Variants in GRAMD1B observed in about 807,000 individuals in gnomAD.
GRAMD1B encodes protein Aster-B.
GRAMD1B carries 37 observed loss-of-function variants against 99.7 expected under a neutral mutation model. That is an observed-to-expected ratio of 0.37 (90% confidence interval 0.29 to 0.49). The LOEUF is 0.49. Among genes scored for constraint, GRAMD1B ranks in the 20% least tolerant of loss-of-function variants. GRAMD1B has a pLI of 0.98. For missense variants in GRAMD1B, 888 were observed against 1,009.2 expected, an observed-to-expected ratio of 0.88 and a Z score of 1.63; for synonymous variants, 427 against 387.6, an observed-to-expected ratio of 1.10 and a Z score of -1.19.
intron 9 of GRAMD1B, 115 bp from the exon 10 acceptor site, chr11:123,605,207 C>A: frequency 5.8e-6 from 4 of 694,382 alleles, no homozygotes; most frequent in African/African-American, 1.8e-5. Context: ...ATACACAAAG[C>A]AAAGAAGCAG....
At chr11:123,473,353 C>T (rs1348045335) in intron 1 of GRAMD1B, among the ~76,000 whole-genome samples, 3 of 152,158 alleles carry the variant, frequency 2.0e-5, no homozygotes, top group South Asian at 2.1e-4. Flanking sequence ...CGTGAGCCAC[C>T]GTGCCCTGAC....
At chr11:123,408,829 G>A (rs1273252408) in intron 1 of GRAMD1B, among the ~76,000 whole-genome samples, 2 of 152,214 alleles carry the variant, frequency 1.3e-5, no homozygotes, top group African/African-American at 4.8e-5. Flanking sequence ...CGCTGATGCT[G>A]ACCCAGCCTG....
At chr11:123,419,461 G>A (rs1948345258) in intron 1 of GRAMD1B, among the ~76,000 whole-genome samples, 2 of 152,070 alleles carry the variant, frequency 1.3e-5, no homozygotes, top group Non-Finnish European at 2.9e-5. Context: ...CAGACCCTGT[G>A]TCTACAAAAA....
At position 123,510,924 on chromosome 11, in the gene GRAMD1B, G is replaced by A. The variant is rs556011517; in HGVS notation, c.452+30031G>A. Among the ~76,000 whole-genome samples, 19 of 152,276 alleles carry A rather than the reference G, an allele frequency of 1.2e-4. No homozygotes were observed. The highest frequency in any genetic ancestry group is 4.3e-4 in the African/African-American group (18 of 41,560). On this transcript the variant is annotated intron_variant, in intron 2 of 19. Coordinates refer to ENST00000635736, the MANE Select transcript of GRAMD1B (RefSeq NM_001387025.1). The surrounding 1 kb of genome is among the most constrained non-coding windows in gnomAD (Gnocchi z 4.3). ...CCCCACCTTGGTGTGCTTGGAAGTC[G>A]GAGTGGGTGGATGAGGGGTGCAGGG...
intron 2 of GRAMD1B, among the ~76,000 whole-genome samples, chr11:123,490,307 A>G (rs1469715439): frequency 6.6e-6 from 1 of 152,174 alleles, no homozygotes; most frequent in Non-Finnish European, 1.5e-5. Flanking sequence ...AGATGAGATG[A>G]TATGAATGAG....
intron 2 of GRAMD1B, among the ~76,000 whole-genome samples, chr11:123,484,179 G>C (rs1015403097): frequency 6.6e-6 from 1 of 152,110 alleles, no homozygotes; most frequent in Non-Finnish European, 1.5e-5. Context: ...TATACTGTCC[G>C]TTTCTGAGCG....
chr11:123,518,236 G>A (rs879393608), intron 2 of GRAMD1B, among the ~76,000 whole-genome samples: 3 of 152,202 alleles, frequency 2.0e-5, no homozygotes, highest in African/African-American at 7.2e-5. Flanking sequence ...GGATGAGCAA[G>A]CATGCAGAGA....
chr11:123,412,130 TATC>T (rs1283351158), intron 1 of GRAMD1B, among the ~76,000 whole-genome samples: 1 of 152,184 alleles, frequency 6.6e-6, no homozygotes, highest in Non-Finnish European at 1.5e-5. Context: ...ATGCAAAAGT[TATC>T]ATAAACTAGT....
chr11:123,572,433 C>G (rs1376173737), intron 2 of GRAMD1B, among the ~76,000 whole-genome samples: 1 of 152,144 alleles, frequency 6.6e-6, no homozygotes, highest in Non-Finnish European at 1.5e-5. Context: ...TTAGAAGATA[C>G]TCAGGAATTG....
rs761482069 is a variant in GRAMD1B, at chr11:123,497,998, C to CCT, written c.452+17109_452+17110dup. Among the ~76,000 whole-genome samples, 8 of 152,230 alleles carry CCT rather than the reference C, an allele frequency of 5.3e-5. No homozygotes were observed. In the East Asian group the frequency reaches 7.7e-4, roughly 15 times the overall value. ...CCCTCCCCCTTCCCGGCCAGAGGAG[C>CCT]CTCTCCCTGTGGCCACCACCACCGG... On this transcript the variant is annotated intron_variant, in intron 2 of 19. Coordinates refer to ENST00000635736, the MANE Select transcript of GRAMD1B (RefSeq NM_001387025.1).
At chr11:123,498,783 G>A (rs1327984092) in intron 2 of GRAMD1B, among the ~76,000 whole-genome samples, 2 of 152,104 alleles carry the variant, frequency 1.3e-5, no homozygotes, top group African/African-American at 2.4e-5. Context: ...ATGCAGATTC[G>A]TAGGCCCTAT....
intron 10 of GRAMD1B, 136 bp downstream of exon 10, chr11:123,605,614 A>T (rs1437183826): frequency 7.0e-6 from 5 of 712,098 alleles, no homozygotes; most frequent in Non-Finnish European, 1.2e-5. Context: ...TCAAGGAGGC[A>T]TTCTGGAGCA....
chr11:123,434,754 C>A (rs1030568951), intron 1 of GRAMD1B, among the ~76,000 whole-genome samples: 19 of 152,218 alleles, frequency 1.2e-4, no homozygotes, highest in African/African-American at 4.6e-4. Flanking sequence ...CACCACTGCA[C>A]TCCAGCCTGG....
At chr11:123,392,101 G>A (rs1171471821) in intron 1 of GRAMD1B, among the ~76,000 whole-genome samples, 3 of 152,064 alleles carry the variant, frequency 2.0e-5, no homozygotes, top group African/African-American at 7.2e-5. Flanking sequence ...GCAATCAGTG[G>A]GAACAGCGAA....
At chr11:123,498,982 T>C (rs372356624) in intron 2 of GRAMD1B, among the ~76,000 whole-genome samples, 2 of 152,288 alleles carry the variant, frequency 1.3e-5, no homozygotes, top group African/African-American at 4.8e-5. Flanking sequence ...TGAGCCCTGA[T>C]GCCTCCTGTG....
At chr11:123,399,836 T>A (rs1040499197) in intron 1 of GRAMD1B, among the ~76,000 whole-genome samples, 1 of 152,144 alleles carries the variant, frequency 6.6e-6, no homozygotes, top group African/African-American at 2.4e-5. Context: ...GCCAGGCTGG[T>A]CTCAAACTTC....
rs902080368 is a variant in GRAMD1B, at chr11:123,480,894, G to C, written c.452+1G>C. ...TGAGTCCTCGAGCGCGGGAAGAAAG[G>C]TAAGGTCCAACTCCGAGGGCGAGAT... On this transcript the variant is annotated splice_donor_variant, in intron 2 of 19. Coordinates refer to ENST00000635736, the MANE Select transcript of GRAMD1B (RefSeq NM_001387025.1). LOFTEE classifies it high-confidence loss of function. The C allele has an allele frequency of 1.0e-5, 4 of 398,572 alleles. No homozygotes were observed. The highest frequency in any genetic ancestry group is 8.2e-5 in the African/African-American group (4 of 48,488). 24.7% of individuals were successfully genotyped at this position (398,572 alleles called of 1,614,324 possible).
intron 1 of GRAMD1B, among the ~76,000 whole-genome samples, chr11:123,360,809 T>G (rs917631821): frequency 6.9e-6 from 1 of 145,106 alleles, no homozygotes; most frequent in Non-Finnish European, 1.5e-5. Flanking sequence ...CCTTCCTTCC[T>G]TCCTTCCTTC....
At chr11:123,359,829 G>T (rs1287188341) in intron 1 of GRAMD1B, among the ~76,000 whole-genome samples, 1 of 152,160 alleles carries the variant, frequency 6.6e-6, no homozygotes, top group African/African-American at 2.4e-5. Context: ...CCACTACTCT[G>T]GGCAAGGACA....
Sources: allele counts gnomAD v4.1 joint callset (sites outside exome capture counted in the v4.1 genomes callset), GRCh38; gene constraint gnomAD v4.1.1; non-coding constraint Gnocchi (gnomAD v3.1); transcripts MANE v1.5; gene names NCBI Gene and HGNC (gene_info 2026-07-23, HGNC 2026-07-21).